Variants in CNDP1 observed in about 807,000 individuals in gnomAD.
The protein encoded by CNDP1 is beta-Ala-His dipeptidase.
CNDP1 carries 44 observed loss-of-function variants against 58.1 expected under a neutral mutation model. The ratio of observed to expected loss-of-function variants is 0.76; its 90% CI spans 0.60 to 0.97. The LOEUF is 0.97. CNDP1 is among the 50% of genes least tolerant of loss of function. The pLI, the probability that CNDP1 is intolerant of heterozygous loss-of-function variation, is 0.00. For missense variants in CNDP1, 616 were observed against 655.1 expected, an observed-to-expected ratio of 0.94 and a Z score of 0.65; for synonymous variants, 254 against 252.6, an observed-to-expected ratio of 1.01 and a Z score of -0.05.
At chr18:74,566,022 G>A (rs999345489) in intron 5 of CNDP1, among the ~76,000 whole-genome samples, 5 of 152,202 alleles carry the variant, frequency 3.3e-5, no homozygotes, top group Non-Finnish European at 5.9e-5. Context: ...CTGTGCACCC[G>A]CAGGCTCAAC....
intron 6 of CNDP1, among the ~76,000 whole-genome samples, chr18:74,568,244 C>T (rs188223996): frequency 4.6e-5 from 7 of 152,264 alleles, no homozygotes; most frequent in East Asian, 1.9e-4. Flanking sequence ...AGCACATACA[C>T]GGAAACACAC....
intron 6 of CNDP1, 118 bp downstream of exon 6, chr18:74,567,551 C>T: frequency 1.1e-6 from 1 of 885,856 alleles, no homozygotes; most frequent in Non-Finnish European, 1.8e-6. Context: ...AGAGGCCTTA[C>T]CTGGGACACA....
In CNDP1 at chr18:74,556,569, T is replaced by C. The variant is rs572782150; in HGVS notation, c.153+103T>C. On this transcript the variant is annotated intron_variant, in intron 2 of 11. Transcript: ENST00000358821. ...GCTTGGAGATGTGGATTTTTTTGCC[T>C]AATTCCATTTAAAATGCCTATGACT... The C allele has an allele frequency of 1.5e-5, 21 of 1,358,966 alleles. No homozygotes were observed. In the African/African-American group the frequency reaches 2.9e-4, roughly 19 times the overall value. 84.2% of individuals were successfully genotyped at this position (1,358,966 alleles called of 1,614,324 possible). A position where few individuals can be genotyped will look rare whatever the true frequency, so the allele number is the denominator to read the frequency against.
At position 74,552,271 on chromosome 18, in the gene CNDP1, A is replaced by T. The variant is rs1245876677; in HGVS notation, c.25-4067A>T. Reference sequence around the variant, plus strand: ...AGTAGTTATAGCTATGATTATTTTTAAAATGACTGTATTGTGATATAATTC... The same window carrying T: ...AGTAGTTATAGCTATGATTATTTTTTAAATGACTGTATTGTGATATAATTC... On this transcript the variant is annotated intron_variant, in intron 1 of 11. Coordinates refer to ENST00000358821, the MANE Select transcript of CNDP1 (RefSeq NM_032649.6). Among the ~76,000 whole-genome samples the T allele has an allele frequency of 2.6e-5, 4 of 152,382 alleles. No homozygotes were observed. The South Asian group carries it at 8.3e-4, about 32-fold the overall frequency.
At position 74,584,698 on chromosome 18, in the gene CNDP1, G is replaced by A. The variant is rs148671098; in HGVS notation, c.*136G>A. 2.6e-4 allele frequency: 178 copies of A among 678,408 alleles called. No individual in the cohort carries two copies. The highest frequency in any genetic ancestry group is 2.6e-3 in the African/African-American group (145 of 55,436). The allele number at this position is 678,408 out of a possible 1,614,324, so 42.0% of individuals were successfully genotyped here. On this transcript the variant is annotated 3_prime_UTR_variant, in exon 12 of 12. Transcript: ENST00000358821. ...TTTTCCCTTCCATTTAAAATGTCTT[G>A]GGATATCTGGATCAGTAATAAAATA...
intron 1 of CNDP1, among the ~76,000 whole-genome samples, chr18:74,546,454 C>T (rs917025540): frequency 3.3e-5 from 5 of 152,164 alleles, no homozygotes; most frequent in Non-Finnish European, 5.9e-5. Context: ...AGAGAAGACG[C>T]TGTACAGTGC....
intron 1 of CNDP1, among the ~76,000 whole-genome samples, chr18:74,537,738 C>T (rs984172610): frequency 3.2e-4 from 48 of 152,228 alleles, no homozygotes; most frequent in African/African-American, 1.0e-3. Context: ...CCAGTCACTC[C>T]GGGCAAAGAG....
intron 7 of CNDP1, among the ~76,000 whole-genome samples, chr18:74,572,790 C>CAAAAAA (rs56059264): frequency 3.5e-4 from 21 of 59,984 alleles, no homozygotes; most frequent in Non-Finnish European, 4.2e-4. Context: ...GACCCTGTAT[C>CAAAAAA]AAAAAAAAAA....
Position 74,569,844 on chromosome 18 carries a change from A to C in CNDP1, c.757-1342A>C, listed in dbSNP as rs1320418048. ...TTGTGGTATACCTAGCCAATATGTG[A>C]ATGTTATAGACTGAACATTCCACAA... On this transcript the variant is annotated intron_variant, in intron 6 of 11. Coordinates refer to ENST00000358821, the MANE Select transcript of CNDP1 (RefSeq NM_032649.6). Among the ~76,000 whole-genome samples, 5 of 152,136 alleles carry C rather than the reference A, an allele frequency of 3.3e-5. No individual in the cohort carries two copies. The South Asian group carries it at 1.0e-3, about 32-fold the overall frequency.
intron 1 of CNDP1, among the ~76,000 whole-genome samples, chr18:74,549,950 A>C (rs1421557362): frequency 6.6e-6 from 1 of 152,236 alleles, no homozygotes; most frequent in Non-Finnish European, 1.5e-5. Context: ...CACAGAGTGC[A>C]AGAGTAAGGG....
intron 8 of CNDP1, chr18:74,577,937 G>A (rs1568300524): frequency 2.4e-6 from 1 of 422,208 alleles, no homozygotes; most frequent in African/African-American, 2.0e-5. Context: ...GCAAAGAGGG[G>A]CACTCATCAA....
intron 2 of CNDP1, among the ~76,000 whole-genome samples, chr18:74,557,630 C>G (rs1046127001): frequency 2.0e-5 from 3 of 152,100 alleles, no homozygotes; most frequent in Non-Finnish European, 4.4e-5. Context: ...CACACACCCC[C>G]ACACATGTGC....
Position 74,575,451 on chromosome 18 carries a change from T to C in CNDP1, c.842-1418T>C, listed in dbSNP as rs76663528. On this transcript the variant is annotated intron_variant, in intron 7 of 11. Coordinates refer to ENST00000358821, the MANE Select transcript of CNDP1 (RefSeq NM_032649.6). ...GACTCATTAAGCTGCCCTGGAGACA[T>C]TTTTGTGTCATTTATATCAGTCTAC... 2.8e-4 allele frequency among the ~76,000 whole-genome samples: 42 copies of C among 152,340 alleles called. No individual in the cohort carries two copies. In the East Asian group the frequency reaches 7.7e-3, roughly 28 times the overall value.
intron 10 of CNDP1, among the ~76,000 whole-genome samples, chr18:74,583,089 C>T (rs1981827229): frequency 6.6e-6 from 1 of 152,202 alleles, no homozygotes; most frequent in Admixed American, 6.5e-5. Flanking sequence ...TCACCGCAAC[C>T]TCCATCACCC....
chr18:74,551,881 A>G (rs1281371177), intron 1 of CNDP1, among the ~76,000 whole-genome samples: 1 of 151,484 alleles, frequency 6.6e-6, no homozygotes, highest in African/African-American at 2.4e-5. Context: ...TCAAATGTTA[A>G]TGTAGATGGA....
intron 9 of CNDP1, among the ~76,000 whole-genome samples, chr18:74,578,539 A>T (rs2144577214): frequency 6.6e-6 from 1 of 152,242 alleles, no homozygotes; most frequent in East Asian, 1.9e-4. Context: ...AGGCTAGAGG[A>T]TCCCTTAAGC....
At chr18:74,568,742 C>G (rs868219823) in intron 6 of CNDP1, among the ~76,000 whole-genome samples, 1 of 152,026 alleles carries the variant, frequency 6.6e-6, no homozygotes, top group Non-Finnish European at 1.5e-5. Flanking sequence ...GAAGTGATGG[C>G]TTGAAGTGGT....
Position 74,556,477 on chromosome 18 carries a change from G to T in CNDP1, c.153+11G>T. On this transcript the variant is annotated intron_variant, in intron 2 of 11. Transcript: ENST00000358821. The stretch of plus-strand genomic sequence containing the variant: ...GATGAATTTGTGCAGGTAGGAGAAA[G>T]AAACTACACAACTACACACAGAATG... 6.2e-7 allele frequency: 1 copy of T among 1,614,008 alleles called. No individual in the cohort carries two copies. Among genetic ancestry groups the T allele is most frequent in the Non-Finnish European group, 8.5e-7 (1 of 1,179,886 alleles).
intron 6 of CNDP1, among the ~76,000 whole-genome samples, chr18:74,569,520 T>G (rs567620650): frequency 4.6e-5 from 7 of 152,218 alleles, no homozygotes; most frequent in Middle Eastern, 3.4e-3. Context: ...AGGTCTGGTG[T>G]TTAAGTAGAA....
Sources: allele counts gnomAD v4.1 joint callset (sites outside exome capture counted in the v4.1 genomes callset), GRCh38; gene constraint gnomAD v4.1.1; transcripts MANE v1.5; gene names NCBI Gene and HGNC (gene_info 2026-07-23, HGNC 2026-07-21).